Variants in SPG11 observed in about 807,000 individuals in gnomAD.
The protein encoded by SPG11 is spatacsin.
Under a neutral mutation model 274.0 loss-of-function variants are expected in SPG11, and 222 were observed. The ratio of observed to expected loss-of-function variants is 0.81; its 90% CI spans 0.73 to 0.91. The LOEUF (loss-of-function observed/expected upper bound fraction) is 0.91. SPG11 is among the 40% of genes least tolerant of loss of function. The pLI is 0.00. For synonymous variants in SPG11, 1,144 were observed against 1,039.7 expected, an observed-to-expected ratio of 1.10 and a Z score of -1.93; for missense variants, 3,114 against 2,872.7, an observed-to-expected ratio of 1.08 and a Z score of -1.92.
intron 4 of SPG11, among the ~76,000 whole-genome samples, chr15:44,653,782 G>C (rs2141112693): frequency 6.6e-6 from 1 of 152,230 alleles, no homozygotes; most frequent in Non-Finnish European, 1.5e-5. Flanking sequence ...ACACACAGTA[G>C]GTACCTGAAA....
chr15:44,584,004 A>G lies in SPG11; in HGVS notation c.5676T>C (p.His1892=). ...AATACCGGCATACTCTACTTGCTTC[A>G]TGCACACAGCCATCATCCAGTAGGC... ...IGRLLDDGCV[H]EASRVCRYFH... Residue 1892 remains histidine (H), a synonymous_variant, in exon 30 of 40, where the codon CAT becomes CAC. Coordinates refer to ENST00000261866, the MANE Select transcript of SPG11 (RefSeq NM_025137.4). 1 of 1,614,232 alleles carries G rather than the reference A, an allele frequency of 6.2e-7. No homozygotes were observed. Among genetic ancestry groups the G allele is most frequent in the South Asian group, 1.1e-5 (1 of 91,086 alleles).
chr15:44,622,002 G>C (rs1218302050), intron 13 of SPG11, 68 bp from the exon 14 acceptor site: 7 of 1,295,310 alleles, frequency 5.4e-6, no homozygotes, highest in Admixed American at 2.2e-5. Flanking sequence ...CTTTTTATCT[G>C]CTCAAGAACA....
At position 44,613,492 on chromosome 15, in the gene SPG11, T is replaced by C; in HGVS notation, c.3083A>G (p.His1028Arg). 1 of 1,614,040 alleles carries C rather than the reference T, an allele frequency of 6.2e-7. No individual in the cohort carries two copies. The change falls in exon 17 of 40, where the codon CAT becomes CGT. Residue 1028 changes from histidine (H) to arginine (R), a missense_variant. Physicochemically the swap from His to Arg is conservative, Grantham distance 29 (BLOSUM62 0). Transcript: ENST00000261866. The part of the protein sequence containing the change: ...NCPFLEKKEL[H>R]EAHPWFEFLV... ...AAATTCAAACCAAGGGTGTGCTTCA[T>C]GTAACTCTTTTTTTTCCAAAAAGGG... is the stretch of plus-strand genomic sequence containing the variant.
At position 44,651,482 on chromosome 15, in the gene SPG11, C is replaced by CA; in HGVS notation, c.1456+8dup. The CA allele has an allele frequency of 6.2e-7, 1 of 1,611,346 alleles. No individual in the cohort carries two copies. The highest frequency in any genetic ancestry group is 8.5e-7 in the Non-Finnish European group (1 of 1,177,590). On this transcript the variant is annotated intron_variant, in intron 6 of 39. Transcript: ENST00000261866. ...CAATGGATTTCAATCTAATACAAGA[C>CA]AGTCTCACCTGTCAAAACAAAGCAC...
intron 4 of SPG11, among the ~76,000 whole-genome samples, chr15:44,654,763 G>A (rs111820506): frequency 0.027 from 4,057 of 152,128 alleles, 75 homozygotes; most frequent in Non-Finnish European, 0.041. Flanking sequence ...TTGAACCCAG[G>A]AGGCGGAGGG....
Position 44,595,983 on chromosome 15 carries a change from T to C in SPG11, c.4434+100A>G, listed in dbSNP as rs1178659674. On this transcript the variant is annotated intron_variant, in intron 25 of 39. Transcript: ENST00000261866. Reference sequence around the variant, plus strand: ...TTGGAAACACATGCTGGAACCTCACTGTCATCATCACCCCACTTCTGATTA... The same window carrying C: ...TTGGAAACACATGCTGGAACCTCACCGTCATCATCACCCCACTTCTGATTA... 7 of 1,488,306 alleles carry C rather than the reference T, an allele frequency of 4.7e-6. No individual in the cohort carries two copies. In the East Asian group the frequency reaches 1.6e-4, roughly 34 times the overall value. 92.2% of individuals were successfully genotyped at this position (1,488,306 alleles called of 1,614,324 possible). A position where few individuals can be genotyped will look rare whatever the true frequency, so the allele number is the denominator to read the frequency against.
chr15:44,594,192 C>T (rs1328986248), intron 26 of SPG11, among the ~76,000 whole-genome samples: 1 of 151,156 alleles, frequency 6.6e-6, no homozygotes, highest in Non-Finnish European at 1.5e-5. Flanking sequence ...TTTGGGAGGC[C>T]GAGGTGGGAG....
At position 44,601,868 on chromosome 15, in the gene SPG11, C is replaced by A. The variant is rs2083199958; in HGVS notation, c.3521-1236G>T. 2.0e-5 allele frequency among the ~76,000 whole-genome samples: 3 copies of A among 152,000 alleles called. No individual in the cohort carries two copies. The South Asian group carries it at 6.3e-4, about 32-fold the overall frequency. On this transcript the variant is annotated intron_variant, in intron 20 of 39. Coordinates refer to ENST00000261866, the MANE Select transcript of SPG11 (RefSeq NM_025137.4). Reference sequence around the variant, plus strand: ...GCGTGAGCCACTGTGTCCAGCCAGCCACCGCGCCCAGCCCACCCAGCCTCT... The same window carrying A: ...GCGTGAGCCACTGTGTCCAGCCAGCAACCGCGCCCAGCCCACCCAGCCTCT...
At chr15:44,662,069 CCT>C (rs1282509231) in intron 1 of SPG11, among the ~76,000 whole-genome samples, 1 of 152,154 alleles carries the variant, frequency 6.6e-6, no homozygotes, top group Admixed American at 6.6e-5. Context: ...TTGCCCCATT[CCT>C]CTCTTTACAG....
At position 44,651,549 on chromosome 15, in the gene SPG11, G is replaced by A. The variant is rs1167462008; in HGVS notation, c.1398C>T (p.Gly466=). 1 of 1,614,174 alleles carries A rather than the reference G, an allele frequency of 6.2e-7. No homozygotes were observed. The highest frequency in any genetic ancestry group is 1.1e-5 in the South Asian group (1 of 91,074). The change falls in exon 6 of 40, where the codon GGC becomes GGT. Residue 466 remains glycine (G), a synonymous_variant. Transcript: ENST00000261866. ...TACTGTCTACAGGAATACACTTTGT[G>A]CCAAGGGAAAAACACTGCATGCCCT... The part of the protein sequence containing the change: ...ETQGMQCFSL[G]TKCIPVDSSG...
At chr15:44,577,532 T>C (rs572992807) in intron 30 of SPG11, among the ~76,000 whole-genome samples, 1 of 146,268 alleles carries the variant, frequency 6.8e-6, no homozygotes, top group East Asian at 2.0e-4. Flanking sequence ...AAACAAAAAC[T>C]CTTAAAGATA....
intron 31 of SPG11, among the ~76,000 whole-genome samples, chr15:44,574,490 C>A (rs775840844): frequency 6.6e-6 from 1 of 152,092 alleles, no homozygotes; most frequent in East Asian, 1.9e-4. Flanking sequence ...TTTTTCTCCC[C>A]CAAGCAGCGC....
At chr15:44,588,859 T>A (rs1487725299) in intron 28 of SPG11, among the ~76,000 whole-genome samples, 1 of 152,194 alleles carries the variant, frequency 6.6e-6, no homozygotes, top group Non-Finnish European at 1.5e-5. Flanking sequence ...TGCCAGCTTA[T>A]GAAGCAATGC....
intron 27 of SPG11, among the ~76,000 whole-genome samples, chr15:44,592,019 G>A (rs923906858): frequency 1.3e-5 from 2 of 151,802 alleles, no homozygotes; most frequent in Admixed American, 6.6e-5. Context: ...GCTGAGGCAG[G>A]AGAATCGCTT....
At chr15:44,575,339 C>T (rs535309981) in intron 30 of SPG11, 11 of 343,810 alleles carry the variant, frequency 3.2e-5, no homozygotes, top group Admixed American at 2.3e-4. Context: ...TATGTCCTCC[C>T]TCCTGTATCA....
chr15:44,615,143 A>C lies in SPG11; in HGVS notation c.3038+220T>G, dbSNP rs146977031. On this transcript the variant is annotated intron_variant, in intron 16 of 39. Coordinates refer to ENST00000261866, the MANE Select transcript of SPG11 (RefSeq NM_025137.4). Reference sequence around the variant, plus strand: ...CAAGTTATTTAAAAGGTTAACAGAGATACTACAGAATTAATTCACCAAAAA... The same window carrying C: ...CAAGTTATTTAAAAGGTTAACAGAGCTACTACAGAATTAATTCACCAAAAA... 9.0e-3 allele frequency among the ~76,000 whole-genome samples: 1,366 copies of C among 152,354 alleles called. 17 individuals carry two copies. Among genetic ancestry groups the C allele is most frequent in the African/African-American group, 0.031 (1,307 of 41,578 alleles).
Position 44,569,476 on chromosome 15 carries a change from G to A in SPG11, c.6507C>T (p.Tyr2169=), listed in dbSNP as rs1476614745. 6.2e-7 allele frequency: 1 copy of A among 1,600,062 alleles called. No individual in the cohort carries two copies. The highest frequency in any genetic ancestry group is 8.5e-7 in the Non-Finnish European group (1 of 1,172,610). The change falls in exon 35 of 40, where the codon TAC becomes TAT. Residue 2169 remains tyrosine, a synonymous_variant. Transcript: ENST00000261866. ...VVRLLTGIGR[Y]NEMTYIFDLL... is the part of the protein sequence containing the mutation. ...AATCAAATATGTATGTCATCTCGTT[G>A]TACCTTCCAATGCCAGTGAGGAGCC...
intron 26 of SPG11, among the ~76,000 whole-genome samples, chr15:44,593,814 T>C (rs538118767): frequency 1.3e-5 from 2 of 151,104 alleles, no homozygotes; most frequent in East Asian, 3.9e-4. Flanking sequence ...AGTGCAGTGG[T>C]GTGATCTTGG....
At chr15:44,592,715 G>C (rs1235402804) in intron 26 of SPG11, among the ~76,000 whole-genome samples, 1 of 152,110 alleles carries the variant, frequency 6.6e-6, no homozygotes, top group Non-Finnish European at 1.5e-5. Flanking sequence ...AGCTACTCCA[G>C]AGGCTGAGGC....
Sources: gnomAD v4.1 joint callset for allele counts (sites outside exome capture counted in the v4.1 genomes callset) on GRCh38, gnomAD v4.1.1 for gene constraint, MANE v1.5 for transcripts, NCBI Gene and HGNC (gene_info 2026-07-23, HGNC 2026-07-21) for gene names.